The following SVOP variants were observed in gnomAD, a reference collection of about 807,000 sequenced individuals.
SVOP encodes SV2 related protein.
A neutral mutation model predicts 69.1 loss-of-function variants in SVOP; 17 were observed. That is an observed-to-expected ratio of 0.25 (90% CI 0.17 to 0.37). The LOEUF (loss-of-function observed/expected upper bound fraction) is 0.37, where lower values mean the gene tolerates loss of function less well. Among genes scored for constraint, SVOP ranks in the 10% least tolerant of loss-of-function variants. The probability of loss-of-function intolerance (pLI) is 1.00; values close to 1 mark genes in which losing one functional copy is unlikely to be tolerated. For missense variants in SVOP, 435 were observed against 597.5 expected, an observed-to-expected ratio of 0.73 and a Z score of 2.84; for synonymous variants, 238 against 238.6, an observed-to-expected ratio of 1.00 and a Z score of 0.02.
At chr12:108,940,710 C>A in intron 8 of SVOP, 74 bp downstream of exon 8, 2 of 1,508,470 alleles carry the variant, frequency 1.3e-6, no homozygotes, top group South Asian at 2.4e-5. Context: ...CCTTCCCTAT[C>A]CCCTCCCCAC....
At position 108,942,607 on chromosome 12, in the gene SVOP, G is replaced by T. The variant is rs572467437; in HGVS notation, c.643-1698C>A. Among the ~76,000 whole-genome samples, 19 of 152,332 alleles carry T rather than the reference G, an allele frequency of 1.2e-4. 1 individual carries two copies. Among genetic ancestry groups the T allele is most frequent in the Middle Eastern group, 3.4e-3 (1 of 294 alleles). ...GCTCCCTCCCTGCAGAGCAGTCGTG[G>T]CTGGCTGCATCTGTCAGCTGAGGGT... On this transcript the variant is annotated intron_variant, in intron 7 of 15. Transcript: ENST00000610966.
chr12:108,949,281 T>A (rs2039941211), intron 6 of SVOP, among the ~76,000 whole-genome samples: 1 of 151,746 alleles, frequency 6.6e-6, no homozygotes, highest in South Asian at 2.1e-4. Context: ...TCAGCTTTTT[T>A]TTTGCCCACA....
Position 109,020,724 on chromosome 12 carries a change from C to G in SVOP, c.35+110G>C, listed in dbSNP as rs1315513811. 5.6e-6 allele frequency: 3 copies of G among 534,252 alleles called. No homozygotes were observed. The East Asian group carries it at 1.3e-4, about 22-fold the overall frequency. The allele number at this position is 534,252 out of a possible 1,614,324, so 33.1% of individuals were successfully genotyped here. ...TAATTCCTTCCTCTGAAACAGTTCC[C>G]TTTAAATTCAAGAAACCATGCAGAG... On this transcript the variant is annotated intron_variant, in intron 1 of 15. Coordinates refer to ENST00000610966, the MANE Select transcript of SVOP (RefSeq NM_018711.5).
intron 1 of SVOP, among the ~76,000 whole-genome samples, chr12:108,998,653 T>A (rs2135618298): frequency 6.6e-6 from 1 of 152,202 alleles, no homozygotes; most frequent in South Asian, 2.1e-4. Context: ...TGGGGGCCAA[T>A]ATTCAACATT....
chr12:108,941,295 T>C (rs767944962), intron 7 of SVOP, among the ~76,000 whole-genome samples: 24 of 152,168 alleles, frequency 1.6e-4, no homozygotes, highest in Non-Finnish European at 3.1e-4. Context: ...CGATCATGGC[T>C]CACTGTAGCC....
intron 2 of SVOP, among the ~76,000 whole-genome samples, chr12:108,979,413 TCTA>T (rs2040124931): frequency 6.6e-6 from 1 of 152,066 alleles, no homozygotes; most frequent in Non-Finnish European, 1.5e-5. Flanking sequence ...CTATTTTTTT[TCTA>T]TTTTTTGTAG....
intron 11 of SVOP, among the ~76,000 whole-genome samples, chr12:108,933,543 T>C (rs528070355): frequency 1.3e-5 from 2 of 151,976 alleles, no homozygotes; most frequent in African/African-American, 4.8e-5. Context: ...TAGCCAGACA[T>C]GGTGGTGCCA....
At chr12:108,916,083 G>C (rs767270863) in intron 14 of SVOP, among the ~76,000 whole-genome samples, 10 of 152,128 alleles carry the variant, frequency 6.6e-5, no homozygotes, top group Non-Finnish European at 1.0e-4. Context: ...GCTGCGGGTG[G>C]GAACCCAGTA....
intron 4 of SVOP, among the ~76,000 whole-genome samples, chr12:108,973,506 C>T (rs1000123028): frequency 2.6e-5 from 4 of 152,170 alleles, no homozygotes; most frequent in African/African-American, 7.2e-5. Flanking sequence ...ATCCTCTCAC[C>T]TCAGCCTCCT....
intron 11 of SVOP, among the ~76,000 whole-genome samples, chr12:108,931,819 C>T (rs950394701): frequency 5.2e-5 from 7 of 134,256 alleles, no homozygotes; most frequent in Admixed American, 3.3e-4. Context: ...GGCGACTGAG[C>T]GAGACTCCGT....
intron 1 of SVOP, among the ~76,000 whole-genome samples, chr12:109,010,654 C>A (rs567780905): frequency 3.3e-5 from 5 of 152,164 alleles, no homozygotes; most frequent in African/African-American, 1.2e-4. Context: ...GCTGTGACCA[C>A]AGGCACCACA....
At chr12:108,982,259 AATC>A (rs1250158318) in intron 2 of SVOP, among the ~76,000 whole-genome samples, 21 of 147,972 alleles carry the variant, frequency 1.4e-4, no homozygotes, top group South Asian at 2.2e-4. Flanking sequence ...TTATCACCAC[AATC>A]ATCATCATCA....
intron 1 of SVOP, among the ~76,000 whole-genome samples, chr12:109,008,344 G>A (rs906544287): frequency 1.3e-5 from 2 of 152,206 alleles, no homozygotes; most frequent in African/African-American, 4.8e-5. Context: ...AAGTCTGAAA[G>A]TCACCATCTG....
chr12:108,954,113 C>CAAAA (rs760331681), intron 6 of SVOP, among the ~76,000 whole-genome samples: 9 of 61,956 alleles, frequency 1.5e-4, no homozygotes, highest in Admixed American at 1.9e-4. Flanking sequence ...GAATCTGTCT[C>CAAAA]AAAAAAAAAA....
rs1194606815 is a variant in SVOP, at chr12:108,980,744, G to A, written c.197-2081C>T. Among the ~76,000 whole-genome samples the A allele has an allele frequency of 2.8e-4, 31 of 109,502 alleles. 6 individuals carry two copies. Among genetic ancestry groups the A allele is most frequent in the African/African-American group, 3.4e-4 (8 of 23,712 alleles). The allele number at this position is 109,502 out of a possible 152,430, so 71.8% of individuals were successfully genotyped here. ...CGCAGTCTGGCCTGGGCAACAGAGCGAGACTCCGTCTCAAAAAAAAAAAAA... is the reference window on the plus strand; with the variant it reads ...CGCAGTCTGGCCTGGGCAACAGAGCAAGACTCCGTCTCAAAAAAAAAAAAA... On this transcript the variant is annotated intron_variant, in intron 2 of 15. Coordinates refer to ENST00000610966, the MANE Select transcript of SVOP (RefSeq NM_018711.5).
intron 6 of SVOP, among the ~76,000 whole-genome samples, chr12:108,953,150 TTTC>T (rs1157498318): frequency 0.013 from 1,702 of 130,810 alleles, 199 homozygotes; most frequent in Middle Eastern, 0.033. Flanking sequence ...TTTTTTTTTT[TTTC>T]TTTTTTTTTT....
intron 1 of SVOP, among the ~76,000 whole-genome samples, chr12:109,004,156 G>A (rs1566067361): frequency 6.6e-6 from 1 of 152,114 alleles, no homozygotes; most frequent in Non-Finnish European, 1.5e-5. Flanking sequence ...AAAGAAAATA[G>A]CAGTGGCATA....
chr12:108,982,920 A>G (rs915879550), intron 2 of SVOP, among the ~76,000 whole-genome samples: 10 of 141,022 alleles, frequency 7.1e-5, no homozygotes, highest in Non-Finnish European at 1.1e-4. Flanking sequence ...ATCATCTTTC[A>G]TCACTAGCAT....
At chr12:108,942,042 C>T (rs560634820) in intron 7 of SVOP, among the ~76,000 whole-genome samples, 6 of 152,282 alleles carry the variant, frequency 3.9e-5, no homozygotes, top group South Asian at 2.1e-4. Context: ...TTCTACTTTT[C>T]GTCTCTATGA....
Sources: allele counts gnomAD v4.1 joint callset (sites outside exome capture counted in the v4.1 genomes callset), GRCh38; gene constraint gnomAD v4.1.1; transcripts MANE v1.5; gene names NCBI Gene and HGNC (gene_info 2026-07-23, HGNC 2026-07-21).